The following CHN2 variants were observed in gnomAD, a reference collection of about 807,000 sequenced individuals.
CHN2 encodes chimerin 2.
Under a neutral mutation model 56.3 loss-of-function variants are expected in CHN2, and 35 were observed. That is an observed-to-expected ratio of 0.62 (90% CI 0.47 to 0.82). The LOEUF (loss-of-function observed/expected upper bound fraction) is 0.82, where lower values mean the gene tolerates loss of function less well. Ranked by LOEUF, CHN2 falls within the 40% of genes least tolerant of loss-of-function variation. The pLI is 0.00. For missense variants in CHN2, 491 were observed against 580.5 expected, an observed-to-expected ratio of 0.85 and a Z score of 1.58; for synonymous variants, 210 against 212.8, an observed-to-expected ratio of 0.99 and a Z score of 0.12.
intron 6 of CHN2, among the ~76,000 whole-genome samples, chr7:29,451,787 G>C (rs702827): frequency 6.6e-6 from 1 of 151,880 alleles, no homozygotes; most frequent in East Asian, 1.9e-4. Flanking sequence ...TTAGCCCCCC[G>C]TCTTACAATT....
intron 1 of CHN2, among the ~76,000 whole-genome samples, chr7:29,301,561 G>A (rs1793665711): frequency 6.6e-6 from 1 of 152,276 alleles, no homozygotes; most frequent in Non-Finnish European, 1.5e-5. Flanking sequence ...ACATTGTAGA[G>A]AGTTGGAGAT....
exon 1 of CHN2, chr7:29,146,729 G>T: frequency 6.4e-7 from 1 of 1,550,512 alleles, no homozygotes; most frequent in Non-Finnish European, 8.7e-7. Context: ...GAAGAGCATC[G>T]GCGGGGTGCC....
chr7:29,194,823 C>T lies in CHN2; in HGVS notation c.-119C>T. 1.1e-6 allele frequency: 1 copy of T among 875,836 alleles called. No individual in the cohort carries two copies. Among genetic ancestry groups the T allele is most frequent in the Non-Finnish European group, 1.6e-6 (1 of 641,038 alleles). 54.3% of individuals were successfully genotyped at this position (875,836 alleles called of 1,614,324 possible). ...AGTCCGGAGGCTGGTGCTTTCTGCGCGTCCCCAGGACTTTGCCATGGGCTG... is the reference window on the plus strand; with the variant it reads ...AGTCCGGAGGCTGGTGCTTTCTGCGTGTCCCCAGGACTTTGCCATGGGCTG... On this transcript the variant is annotated 5_prime_UTR_variant, in exon 1 of 13. Transcript: ENST00000222792.
At chr7:29,497,276 G>A (rs1789406224) in intron 8 of CHN2, among the ~76,000 whole-genome samples, 1 of 152,190 alleles carries the variant, frequency 6.6e-6, no homozygotes, top group Non-Finnish European at 1.5e-5. Context: ...CAAAGGGGTA[G>A]AATATCTGAA....
At chr7:29,396,327 T>G (rs1417775844) in intron 4 of CHN2, among the ~76,000 whole-genome samples, 1 of 151,392 alleles carries the variant, frequency 6.6e-6, no homozygotes, top group Non-Finnish European at 1.5e-5. Context: ...CATGGTGGGG[T>G]GTGCCTGTAG....
intron 1 of CHN2, among the ~76,000 whole-genome samples, chr7:29,298,209 C>T (rs1793345084): frequency 6.6e-6 from 1 of 152,170 alleles, no homozygotes; most frequent in African/African-American, 2.4e-5. Context: ...GATAGTAGCA[C>T]CACCCTTATT....
At chr7:29,459,905 CGG>C (rs1785028181) in intron 6 of CHN2, among the ~76,000 whole-genome samples, 2 of 152,160 alleles carry the variant, frequency 1.3e-5, no homozygotes, top group Non-Finnish European at 2.9e-5. Context: ...AGGAGCAGGA[CGG>C]GGAGGAGGCA....
chr7:29,195,879 G>A (rs1783667067), intron 1 of CHN2, among the ~76,000 whole-genome samples: 1 of 152,094 alleles, frequency 6.6e-6, no homozygotes, highest in Admixed American at 6.5e-5. Context: ...GAGTATGACA[G>A]GTTTCTAATC....
chr7:29,195,629 A>AGAGAGAGAGT (rs869037854), intron 1 of CHN2, among the ~76,000 whole-genome samples: 12 of 117,574 alleles, frequency 1.0e-4, no homozygotes, highest in South Asian at 2.9e-4. Flanking sequence ...AGAGAGAGAG[A>AGAGAGAGAGT]GTGTGTGTGT....
At chr7:29,496,246 A>T (rs1344599971) in intron 8 of CHN2, among the ~76,000 whole-genome samples, 1 of 152,052 alleles carries the variant, frequency 6.6e-6, no homozygotes, top group Admixed American at 6.6e-5. Flanking sequence ...AAGAAAAGAA[A>T]AAAAAAAACA....
chr7:29,194,987 T>A lies in CHN2; in HGVS notation c.46T>A (p.Ser16Thr). The stretch of plus-strand genomic sequence containing the variant: ...CAGCCTGTCCGGCTCGTCGGTGTCC[T>A]CCGGTGAGTTTCAGCCCGTCGGGCG... Reference protein sequence around the residue: ...NSSLSGSSVSSDAEEYQPPIW... With the variant: ...NSSLSGSSVSTDAEEYQPPIW... Residue 16 changes from serine to threonine, a missense_variant, in exon 1 of 13, where the codon TCC (serine) becomes ACC (threonine). Physicochemically the swap from Ser to Thr is moderately conservative, Grantham distance 58. Transcript: ENST00000222792. 6.3e-7 allele frequency: 1 copy of A among 1,586,974 alleles called. No individual in the cohort carries two copies. Among genetic ancestry groups the A allele is most frequent in the Non-Finnish European group, 8.6e-7 (1 of 1,169,194 alleles).
At chr7:29,175,197 C>T (rs1269983663) in intron 2 of CHN2, among the ~76,000 whole-genome samples, 4 of 148,840 alleles carry the variant, frequency 2.7e-5, no homozygotes, top group Non-Finnish European at 5.9e-5. Flanking sequence ...TTTTTTGAGA[C>T]GGGGCCTCTC....
At chr7:29,386,904 G>C (rs1002299004) in intron 3 of CHN2, among the ~76,000 whole-genome samples, 3 of 152,178 alleles carry the variant, frequency 2.0e-5, no homozygotes, top group African/African-American at 7.2e-5. Context: ...GAAAACTGAA[G>C]ACCATTCAGA....
intron 1 of CHN2, among the ~76,000 whole-genome samples, chr7:29,273,547 A>G (rs1790931147): frequency 6.6e-6 from 1 of 151,202 alleles, no homozygotes; most frequent in East Asian, 1.9e-4. Flanking sequence ...CAGAAGAGGG[A>G]TCACTGGGTC....
intron 3 of CHN2, among the ~76,000 whole-genome samples, chr7:29,369,214 G>A (rs1799414820): frequency 6.6e-6 from 1 of 152,086 alleles, no homozygotes; most frequent in African/African-American, 2.4e-5. Context: ...TTTTTACTGA[G>A]TGTTTCTCCA....
intron 1 of CHN2, among the ~76,000 whole-genome samples, chr7:29,301,102 C>A (rs928074344): frequency 6.6e-6 from 1 of 151,934 alleles, no homozygotes; most frequent in Non-Finnish European, 1.5e-5. Context: ...TTTGTATAGT[C>A]CCCTAATAAA....
At chr7:29,472,359 C>G (rs1786175462) in intron 6 of CHN2, among the ~76,000 whole-genome samples, 1 of 135,640 alleles carries the variant, frequency 7.4e-6, no homozygotes, top group African/African-American at 2.5e-5. Context: ...TACCACCAAC[C>G]AACATTAAAA....
intron 1 of CHN2, among the ~76,000 whole-genome samples, chr7:29,309,963 T>C (rs985876770): frequency 6.6e-6 from 1 of 152,182 alleles, no homozygotes; most frequent in African/African-American, 2.4e-5. Flanking sequence ...CAGGCAGGAC[T>C]CCCTGCCTCA....
intron 1 of CHN2, among the ~76,000 whole-genome samples, chr7:29,346,046 A>C (rs1016390150): frequency 6.6e-6 from 1 of 152,188 alleles, no homozygotes; most frequent in Non-Finnish European, 1.5e-5. Flanking sequence ...AAGAGAATAC[A>C]TGGATGTCTA....
Sources: allele counts gnomAD v4.1 joint callset (sites outside exome capture counted in the v4.1 genomes callset), GRCh38; gene constraint gnomAD v4.1.1; transcripts MANE v1.5; gene names NCBI Gene and HGNC (gene_info 2026-07-23, HGNC 2026-07-21).